RUNX1: variants seen among roughly 807,000 people sequenced by gnomAD.
RUNX1 encodes the protein runt-related transcription factor 1.
In RUNX1, 19 loss-of-function variants were observed where a neutral mutation model predicts 42.8. The ratio of observed to expected loss-of-function variants is 0.44; its 90% CI spans 0.31 to 0.65. The LOEUF (loss-of-function observed/expected upper bound fraction) is 0.65, where lower values mean the gene tolerates loss of function less well. Among genes scored for constraint, RUNX1 ranks in the 30% least tolerant of loss-of-function variants. The pLI, the probability that RUNX1 is intolerant of heterozygous loss-of-function variation, is 0.07. For missense variants in RUNX1, 528 were observed against 672.0 expected, an observed-to-expected ratio of 0.79 and a Z score of 2.37; for synonymous variants, 271 against 289.4, an observed-to-expected ratio of 0.94 and a Z score of 0.64.
At chr21:34,931,425 CATAT>C (rs2058445884) in intron 2 of RUNX1, among the ~76,000 whole-genome samples, 1 of 138,776 alleles carries the variant, frequency 7.2e-6, no homozygotes, top group Admixed American at 7.3e-5. Flanking sequence ...ATATATAAAG[CATAT>C]ATAAATGTAT....
At chr21:34,847,969 C>G (rs2057340889) in intron 6 of RUNX1, among the ~76,000 whole-genome samples, 1 of 151,774 alleles carries the variant, frequency 6.6e-6, no homozygotes, top group Admixed American at 6.6e-5. Flanking sequence ...AATATTTGGC[C>G]CCCACTTGAA....
chr21:35,018,370 T>G (rs1425430461), intron 2 of RUNX1, among the ~76,000 whole-genome samples: 1 of 152,020 alleles, frequency 6.6e-6, no homozygotes, highest in Non-Finnish European at 1.5e-5. Flanking sequence ...TCTCAAAAGG[T>G]GAACCTGGAA....
chr21:34,894,928 C>T (rs1446047854), intron 2 of RUNX1, among the ~76,000 whole-genome samples: 5 of 109,524 alleles, frequency 4.6e-5, no homozygotes, highest in Non-Finnish European at 8.9e-5. Flanking sequence ...CACACACACA[C>T]ATATTCATAT....
intron 2 of RUNX1, among the ~76,000 whole-genome samples, chr21:35,021,687 G>T (rs1175776240): frequency 1.3e-5 from 2 of 152,290 alleles, no homozygotes; most frequent in East Asian, 3.9e-4. Context: ...GTACCTGCAG[G>T]GACCTACCCA....
At chr21:34,998,825 G>A (rs1232195344) in intron 2 of RUNX1, among the ~76,000 whole-genome samples, 1 of 152,216 alleles carries the variant, frequency 6.6e-6, no homozygotes, top group Non-Finnish European at 1.5e-5. Flanking sequence ...ACAGGCGTGA[G>A]CCACCGTGCC....
chr21:34,979,330 CTTTTT>C (rs11343211), intron 2 of RUNX1, among the ~76,000 whole-genome samples: 2 of 145,978 alleles, frequency 1.4e-5, no homozygotes, highest in African/African-American at 5.0e-5. Context: ...ATAACCAATG[CTTTTT>C]TTTTTTGTTT....
At position 34,867,957 on chromosome 21, in the gene RUNX1, G is replaced by A. The variant is rs773771700; in HGVS notation, c.509-8379C>T. Among the ~76,000 whole-genome samples, 17 of 152,292 alleles carry A rather than the reference G, an allele frequency of 1.1e-4. No individual in the cohort carries two copies. The East Asian group carries it at 1.4e-3, about 12-fold the overall frequency. On this transcript the variant is annotated intron_variant, in intron 5 of 8. Transcript: ENST00000675419. The stretch of plus-strand genomic sequence containing the variant: ...CTGGGCCTGGCCTCCTCCTGATTCC[G>A]ATAGTGCCCCTAGCCGGGTGCCTCA...
At chr21:35,004,343 C>A (rs969650887) in intron 2 of RUNX1, among the ~76,000 whole-genome samples, 2 of 152,210 alleles carry the variant, frequency 1.3e-5, no homozygotes, top group African/African-American at 4.8e-5. Flanking sequence ...GAAGCTAGAA[C>A]CAAGACACCA....
rs1238015554 is a variant in RUNX1, at chr21:34,792,418, C to G, written c.1160G>C (p.Gly387Ala). The G allele has an allele frequency of 1.3e-6, 2 of 1,570,676 alleles. No homozygotes were observed. Among genetic ancestry groups the G allele is most frequent in the Non-Finnish European group, 1.7e-6 (2 of 1,158,032 alleles). Residue 387 changes from glycine (G) to alanine (A), a missense_variant, in exon 9 of 9, where the codon GGC (glycine) becomes GCC (alanine). This residue lies in a region of RUNX1 where 331 missense variants were observed against 382.5 expected (regional missense o/e 0.87). Coordinates refer to ENST00000675419, the MANE Select transcript of RUNX1 (RefSeq NM_001754.5). This position sits in a 1 kb window ranked among gnomAD's most constrained non-coding sequence, Gnocchi z 6.9. ...CGGGCCTCCCTGCGCTTGCGACGAGCCGGGGTAGGGCGGCGGCAGGTAGGT... is the reference window on the plus strand; with the variant it reads ...CGGGCCTCCCTGCGCTTGCGACGAGGCGGGGTAGGGCGGCGGCAGGTAGGT... ...YHTYLPPPYP[G>A]SSQAQGGPFQ... is the part of the protein sequence containing the mutation.
intron 2 of RUNX1, among the ~76,000 whole-genome samples, chr21:35,041,999 G>C (rs1471843843): frequency 1.3e-5 from 2 of 152,100 alleles, no homozygotes; most frequent in African/African-American, 2.4e-5. Flanking sequence ...AGGAAGATGG[G>C]GGGCGGGAAG....
intron 5 of RUNX1, among the ~76,000 whole-genome samples, chr21:34,861,608 CT>C (rs2057576953): frequency 6.6e-6 from 1 of 151,966 alleles, no homozygotes; most frequent in African/African-American, 2.4e-5. Flanking sequence ...CACTCACCCC[CT>C]CTCCTCCGCA....
intron 2 of RUNX1, among the ~76,000 whole-genome samples, chr21:35,001,308 TTATATATA>T (rs3059374): frequency 0.022 from 3,195 of 142,454 alleles, 113 homozygotes; most frequent in African/African-American, 0.074. Context: ...AGTTATGGTT[TTATATATA>T]TATATATATA....
intron 2 of RUNX1, among the ~76,000 whole-genome samples, chr21:35,001,194 T>C (rs1882077080): frequency 6.6e-6 from 1 of 151,940 alleles, no homozygotes; most frequent in South Asian, 2.1e-4. Flanking sequence ...TTGTATTTTT[T>C]AAAAGTTTTT....
chr21:34,793,214 C>T (rs1318438522), intron 8 of RUNX1, among the ~76,000 whole-genome samples: 2 of 151,736 alleles, frequency 1.3e-5, no homozygotes, highest in African/African-American at 4.8e-5. Flanking sequence ...GATGCTATGC[C>T]CAGGAGGACG....
At chr21:35,042,565 T>C (rs571186966) in intron 2 of RUNX1, among the ~76,000 whole-genome samples, 1 of 152,336 alleles carries the variant, frequency 6.6e-6, no homozygotes, top group African/African-American at 2.4e-5. Context: ...AAGCAATATG[T>C]CAGCGAAAGT....
chr21:34,817,253 T>C (rs1202265749), intron 7 of RUNX1, among the ~76,000 whole-genome samples: 1 of 152,216 alleles, frequency 6.6e-6, no homozygotes, highest in Non-Finnish European at 1.5e-5. Flanking sequence ...TCTGTCACTC[T>C]GCTGCCTCTG....
chr21:35,002,320 G>T (rs566729695), intron 2 of RUNX1, among the ~76,000 whole-genome samples: 8 of 151,328 alleles, frequency 5.3e-5, no homozygotes, highest in African/African-American at 1.7e-4. Flanking sequence ...TGCACCCCCA[G>T]CTGCCCCTTA....
chr21:35,016,305 C>A (rs905178002), intron 2 of RUNX1, among the ~76,000 whole-genome samples: 1 of 152,178 alleles, frequency 6.6e-6, no homozygotes, highest in African/African-American at 2.4e-5. Flanking sequence ...ACAAAGGTTG[C>A]AGGACATACA....
At chr21:34,803,290 G>A (rs2056633334) in intron 7 of RUNX1, among the ~76,000 whole-genome samples, 1 of 152,142 alleles carries the variant, frequency 6.6e-6, no homozygotes, top group Non-Finnish European at 1.5e-5. Context: ...GCTCATACCT[G>A]TAATCCCAGC....
Sources: allele counts gnomAD v4.1 joint callset (sites outside exome capture counted in the v4.1 genomes callset), GRCh38; gene constraint gnomAD v4.1.1; regional missense constraint gnomAD v4.1.1; non-coding constraint Gnocchi (gnomAD v3.1); transcripts MANE v1.5; gene names NCBI Gene and HGNC (gene_info 2026-07-23, HGNC 2026-07-21).